DCC: variants seen among roughly 807,000 people sequenced by gnomAD.
DCC encodes the protein DCC netrin 1 receptor.
DCC carries 58 observed loss-of-function variants against 172.5 expected under a neutral mutation model. The ratio of observed to expected loss-of-function variants is 0.34; its 90% CI spans 0.27 to 0.42. DCC has a LOEUF of 0.42. DCC is among the 10% of genes least tolerant of loss of function. DCC has a pLI of 1.00. For missense variants in DCC, 1,740 were observed against 1,791.0 expected (o/e 0.97, Z 0.51); for synonymous variants, 709 against 644.5 (o/e 1.10, Z -1.52).
At chr18:53,183,883 C>G (rs897562402) in intron 9 of DCC, among the ~76,000 whole-genome samples, 2 of 151,772 alleles carry the variant, frequency 1.3e-5, no homozygotes, top group African/African-American at 4.8e-5. Context: ...TGTCAATCAT[C>G]GAGACCTCAG....
chr18:53,500,659 T>G (rs2046085832), intron 27 of DCC, among the ~76,000 whole-genome samples: 1 of 151,786 alleles, frequency 6.6e-6, no homozygotes, highest in Admixed American at 6.6e-5. Context: ...AACATTCACA[T>G]GATGTGCAAT....
intron 1 of DCC, among the ~76,000 whole-genome samples, chr18:52,629,928 C>T (rs28582592): frequency 0.04 from 4,895 of 121,192 alleles, 132 homozygotes; most frequent in Middle Eastern, 0.083. Context: ...CCAGCCTGGG[C>T]GACAGAGCAA....
intron 12 of DCC, among the ~76,000 whole-genome samples, chr18:53,290,354 G>A (rs1426593680): frequency 6.6e-6 from 1 of 152,022 alleles, no homozygotes; most frequent in Admixed American, 6.5e-5. Flanking sequence ...CCTGACATTT[G>A]GAACTCAAAT....
chr18:52,700,125 GCGCTCTCT>G (rs1350084254), intron 1 of DCC, among the ~76,000 whole-genome samples: 1 of 151,138 alleles, frequency 6.6e-6, no homozygotes, highest in Non-Finnish European at 1.5e-5. Context: ...TCTCTCGTTT[GCGCTCTCT>G]CGCTCTCTTG....
intron 15 of DCC, among the ~76,000 whole-genome samples, chr18:53,373,945 T>C (rs1051359728): frequency 1.3e-5 from 2 of 152,242 alleles, no homozygotes; most frequent in African/African-American, 2.4e-5. Flanking sequence ...AGTATGTGTA[T>C]GTACTGACTT....
In DCC at chr18:53,157,524, T is replaced by C; in HGVS notation, c.1418+12T>C. 1.2e-6 allele frequency: 2 copies of C among 1,613,756 alleles called. No individual in the cohort carries two copies. Among genetic ancestry groups the C allele is most frequent in the Non-Finnish European group, 1.7e-6 (2 of 1,179,836 alleles). On this transcript the variant is annotated intron_variant, in intron 8 of 28. Coordinates refer to ENST00000442544, the MANE Select transcript of DCC (RefSeq NM_005215.4). ...GAAGGTGACAACAGGTAGGTGATGC[T>C]ACCAATAAAATTCAGCTTAATCGGT...
chr18:52,378,035 T>C (rs1377922575), intron 1 of DCC, among the ~76,000 whole-genome samples: 2 of 152,030 alleles, frequency 1.3e-5, no homozygotes, highest in Admixed American at 6.6e-5. Flanking sequence ...CCCTTGGTTT[T>C]CTAGGATTCC....
In DCC at chr18:53,342,661, A is replaced by G. The variant is rs1360135216; in HGVS notation, c.2359+2754A>G. On this transcript the variant is annotated intron_variant, in intron 15 of 28. Transcript: ENST00000442544. ...ATAGTTTCAAATGTAAAGGTCTTCA[A>G]TGTTTATGTTAAACTTATTCCTAAA... Among the ~76,000 whole-genome samples, 8 of 149,410 alleles carry G rather than the reference A, an allele frequency of 5.4e-5. No homozygotes were observed. The South Asian group carries it at 1.0e-3, about 20-fold the overall frequency.
At chr18:52,502,599 T>C (rs945024710) in intron 1 of DCC, among the ~76,000 whole-genome samples, 44 of 152,138 alleles carry the variant, frequency 2.9e-4, no homozygotes, top group African/African-American at 1.0e-3. Context: ...TACACAGGAG[T>C]AAAGGATATT....
intron 21 of DCC, among the ~76,000 whole-genome samples, chr18:53,421,800 A>C (rs1209236143): frequency 6.6e-6 from 1 of 152,204 alleles, no homozygotes; most frequent in Non-Finnish European, 1.5e-5. Context: ...CTGAAGTTTT[A>C]AGGTTGGTAT....
At chr18:52,801,532 T>G (rs1188922677) in intron 2 of DCC, among the ~76,000 whole-genome samples, 4 of 152,204 alleles carry the variant, frequency 2.6e-5, no homozygotes, top group Non-Finnish European at 5.9e-5. Context: ...GTCAAATAAA[T>G]GCAGAAAATG....
intron 20 of DCC, among the ~76,000 whole-genome samples, chr18:53,413,720 C>T (rs1005892113): frequency 5.3e-5 from 8 of 152,132 alleles, no homozygotes; most frequent in Admixed American, 3.3e-4. Context: ...GTGGTAGTCT[C>T]GTCTTTTTTG....
intron 2 of DCC, among the ~76,000 whole-genome samples, chr18:52,839,578 A>G (rs539914382): frequency 7.9e-5 from 12 of 152,316 alleles, no homozygotes; most frequent in Non-Finnish European, 1.6e-4. Context: ...TCTTGACAAC[A>G]TTGCTGAATA....
At chr18:52,385,485 G>T (rs562208245) in intron 1 of DCC, among the ~76,000 whole-genome samples, 1 of 152,082 alleles carries the variant, frequency 6.6e-6, no homozygotes, top group Non-Finnish European at 1.5e-5. Context: ...GATTGCAGGC[G>T]TGAGCTACTG....
intron 1 of DCC, among the ~76,000 whole-genome samples, chr18:52,420,334 G>A (rs1243632226): frequency 1.3e-5 from 2 of 152,162 alleles, no homozygotes; most frequent in Admixed American, 1.3e-4. Context: ...TTACCAGGAT[G>A]TAGTGGCTCC....
intron 1 of DCC, among the ~76,000 whole-genome samples, chr18:52,605,572 A>G (rs1186941124): frequency 6.6e-6 from 1 of 152,182 alleles, no homozygotes; most frequent in Non-Finnish European, 1.5e-5. Context: ...AGTAGCGGAT[A>G]GAGAACAGAG....
At chr18:53,365,445 T>TG (rs1209122848) in intron 15 of DCC, among the ~76,000 whole-genome samples, 2 of 111,224 alleles carry the variant, frequency 1.8e-5, no homozygotes, top group African/African-American at 8.7e-5. Flanking sequence ...TTCATCCCAC[T>TG]GAAAAAAAAA....
rs150704822 is a variant in DCC at position 52,670,616 on chromosome 18, G to A, written c.92-81438G>A. Among the ~76,000 whole-genome samples the A allele has an allele frequency of 1.4e-3, 213 of 152,270 alleles. 2 individuals carry two copies. In the East Asian group the frequency reaches 0.026, roughly 19 times the overall value. On this transcript the variant is annotated intron_variant, in intron 1 of 28. Coordinates refer to ENST00000442544, the MANE Select transcript of DCC (RefSeq NM_005215.4). ...GCACTTTGGGAGGCCAAGGCAGGTG[G>A]ATCACCTGAGGTCAGGAGTTCAAGA...
intron 2 of DCC, among the ~76,000 whole-genome samples, chr18:52,875,531 T>C (rs2039390421): frequency 6.6e-6 from 1 of 152,192 alleles, no homozygotes; most frequent in East Asian, 1.9e-4. Context: ...TGGTCTCAAG[T>C]ATCATCCCCA....
Sources: gnomAD v4.1 joint callset for allele counts (sites outside exome capture counted in the v4.1 genomes callset) on GRCh38, gnomAD v4.1.1 for gene constraint, MANE v1.5 for transcripts, NCBI Gene and HGNC (gene_info 2026-07-23, HGNC 2026-07-21) for gene names.